RELN: variants seen among roughly 807,000 people sequenced by gnomAD.
RELN encodes reelin.
In RELN, 108 loss-of-function variants were observed where a neutral mutation model predicts 427.6. That is an observed-to-expected ratio of 0.25 (90% CI 0.22 to 0.30). The LOEUF (loss-of-function observed/expected upper bound fraction) is 0.30. RELN is among the 10% of genes least tolerant of loss of function. The pLI, the probability that RELN is intolerant of heterozygous loss-of-function variation, is 1.00. For synonymous variants in RELN, 1,524 were observed against 1,513.4 expected (o/e 1.01, Z -0.16); for missense variants, 3,715 against 4,302.8 (o/e 0.86, Z 3.82).
At chr7:103,598,768 G>A (rs1831598242) in intron 24 of RELN, among the ~76,000 whole-genome samples, 1 of 152,192 alleles carries the variant, frequency 6.6e-6, no homozygotes, top group South Asian at 2.1e-4. Flanking sequence ...TTGGTGACCT[G>A]AAATGCTGAA....
At chr7:103,728,247 G>C (rs1484735453) in intron 6 of RELN, 40 bp from the exon 7 acceptor site, 1 of 1,579,170 alleles carries the variant, frequency 6.3e-7, no homozygotes, top group South Asian at 1.1e-5. Context: ...TGAGAACTAA[G>C]TAGCACACGT....
At chr7:103,775,524 A>G (rs1329801651) in intron 4 of RELN, among the ~76,000 whole-genome samples, 2 of 152,188 alleles carry the variant, frequency 1.3e-5, no homozygotes, top group East Asian at 3.8e-4. Flanking sequence ...TTCTCTTGAA[A>G]GCCCATCAGA....
chr7:103,790,352 T>C (rs975290095), intron 3 of RELN, among the ~76,000 whole-genome samples: 3 of 152,144 alleles, frequency 2.0e-5, no homozygotes, highest in Non-Finnish European at 4.4e-5. Flanking sequence ...AATATTCCAC[T>C]GGATAGCTAT....
intron 11 of RELN, among the ~76,000 whole-genome samples, chr7:103,678,936 G>A (rs1258981176): frequency 6.6e-6 from 1 of 152,170 alleles, no homozygotes; most frequent in East Asian, 1.9e-4. Flanking sequence ...ACAAATATTC[G>A]ATTAACTGAG....
intron 2 of RELN, among the ~76,000 whole-genome samples, chr7:103,862,424 T>TATCC (rs1449739336): frequency 2.1e-5 from 3 of 142,008 alleles, no homozygotes; most frequent in Non-Finnish European, 4.8e-5. Context: ...TCTATCTATC[T>TATCC]ATCTATCTAT....
intron 1 of RELN, among the ~76,000 whole-genome samples, chr7:103,917,557 T>TA (rs1315570818): frequency 6.6e-6 from 1 of 151,886 alleles, no homozygotes; most frequent in Non-Finnish European, 1.5e-5. Context: ...AATGCTTTTT[T>TA]TTTTTTTTAA....
At chr7:103,556,143 G>C (rs111863511) in intron 38 of RELN, among the ~76,000 whole-genome samples, 20 of 152,300 alleles carry the variant, frequency 1.3e-4, no homozygotes, top group African/African-American at 4.8e-4. Context: ...ACTGAAGCAA[G>C]TGTATGTGAT....
At chr7:103,946,675 A>G (rs1295822850) in intron 1 of RELN, among the ~76,000 whole-genome samples, 1 of 152,240 alleles carries the variant, frequency 6.6e-6, no homozygotes, top group African/African-American at 2.4e-5. Flanking sequence ...CTGAATAACA[A>G]TAGAGTTGCT....
At chr7:103,976,890 A>G (rs1437862877) in intron 1 of RELN, among the ~76,000 whole-genome samples, 3 of 152,106 alleles carry the variant, frequency 2.0e-5, no homozygotes, top group African/African-American at 7.2e-5. Context: ...TATCTCTATA[A>G]AAAATACAAA....
chr7:103,498,304 T>C (rs766658311), intron 53 of RELN, 52 bp from the exon 54 acceptor site: 1 of 1,512,734 alleles, frequency 6.6e-7, no homozygotes, highest in Non-Finnish European at 9.2e-7. Context: ...CAGATAACTA[T>C]GGAATATTTA....
intron 14 of RELN, among the ~76,000 whole-genome samples, chr7:103,652,065 C>T (rs1257109801): frequency 6.6e-6 from 1 of 151,970 alleles, no homozygotes; most frequent in Non-Finnish European, 1.5e-5. Context: ...GGTGGCAAGG[C>T]AATTACCATG....
chr7:103,941,508 C>A (rs1796113995), intron 1 of RELN, among the ~76,000 whole-genome samples: 1 of 152,082 alleles, frequency 6.6e-6, no homozygotes, highest in Non-Finnish European at 1.5e-5. Context: ...TTTCTATCTT[C>A]AACCATACCT....
chr7:103,911,693 T>C (rs1795369895), intron 2 of RELN, among the ~76,000 whole-genome samples: 1 of 146,526 alleles, frequency 6.8e-6, no homozygotes, highest in South Asian at 2.3e-4. Context: ...GATGAGTTCA[T>C]GTCCTTTGTA....
chr7:103,481,184 G>GTA (rs1378604196), intron 63 of RELN, among the ~76,000 whole-genome samples: 2 of 152,166 alleles, frequency 1.3e-5, no homozygotes, highest in Admixed American at 1.3e-4. Flanking sequence ...TTTAATCTTA[G>GTA]TATAAGTGAG....
chr7:103,746,522 A>G (rs1790836015), intron 6 of RELN, among the ~76,000 whole-genome samples: 1 of 152,050 alleles, frequency 6.6e-6, no homozygotes, highest in Admixed American at 6.5e-5. Context: ...TACTCATCTG[A>G]CAAAGGGCTA....
intron 4 of RELN, among the ~76,000 whole-genome samples, chr7:103,758,998 C>G (rs1791229369): frequency 6.6e-6 from 1 of 151,916 alleles, no homozygotes; most frequent in African/African-American, 2.4e-5. Context: ...TAAGATTTCA[C>G]AGACTACGCA....
At chr7:103,977,878 T>C (rs1222493357) in intron 1 of RELN, among the ~76,000 whole-genome samples, 1 of 152,184 alleles carries the variant, frequency 6.6e-6, no homozygotes, top group Non-Finnish European at 1.5e-5. Context: ...AAATTTACGC[T>C]TTTCCAAGTT....
chr7:103,790,978 C>CAAAA (rs1792148596), intron 3 of RELN, among the ~76,000 whole-genome samples: 1 of 151,236 alleles, frequency 6.6e-6, no homozygotes, highest in South Asian at 2.1e-4. Context: ...AACAAACAAA[C>CAAAA]AAAAAACCAA....
chr7:103,610,850 C>T (rs1388383033), intron 21 of RELN, 43 bp from the exon 22 acceptor site: 2 of 1,154,660 alleles, frequency 1.7e-6, no homozygotes, highest in Non-Finnish European at 2.6e-6. Context: ...CTTCTGTTTT[C>T]CTCAGGTGAA....
Sources: gnomAD v4.1 joint callset for allele counts (sites outside exome capture counted in the v4.1 genomes callset) on GRCh38, gnomAD v4.1.1 for gene constraint, MANE v1.5 for transcripts, NCBI Gene and HGNC (gene_info 2026-07-23, HGNC 2026-07-21) for gene names.